KLHL18: variants seen among roughly 807,000 people sequenced by gnomAD.
KLHL18 encodes kelch-like protein 18.
Under a neutral mutation model 58.5 loss-of-function variants are expected in KLHL18, and 38 were observed. The ratio of observed to expected loss-of-function variants is 0.65; its 90% CI spans 0.50 to 0.85. The LOEUF (loss-of-function observed/expected upper bound fraction) is 0.85. Among genes scored for constraint, KLHL18 ranks in the 40% least tolerant of loss-of-function variants. The pLI, the probability that KLHL18 is intolerant of heterozygous loss-of-function variation, is 0.00. For synonymous variants in KLHL18, 303 were observed against 301.9 expected (o/e 1.00, Z -0.04); for missense variants, 624 against 778.4 (o/e 0.80, Z 2.36).
intron 3 of KLHL18, among the ~76,000 whole-genome samples, chr3:47,325,761 T>A (rs1447594786): frequency 6.6e-6 from 1 of 151,508 alleles, no homozygotes; most frequent in African/African-American, 2.4e-5. Flanking sequence ...ACTGGAGCTG[T>A]GTATTTTCTT....
At chr3:47,288,423 T>C (rs961844646) in intron 1 of KLHL18, among the ~76,000 whole-genome samples, 3 of 152,082 alleles carry the variant, frequency 2.0e-5, no homozygotes, top group Non-Finnish European at 4.4e-5. Flanking sequence ...GCATCTTCTG[T>C]CACTGACGGT....
At chr3:47,335,534 T>C (rs1703964695) in intron 6 of KLHL18, among the ~76,000 whole-genome samples, 1 of 152,002 alleles carries the variant, frequency 6.6e-6, no homozygotes, top group Non-Finnish European at 1.5e-5. Context: ...TGAGATGGAG[T>C]GTCACTCTTG....
At chr3:47,299,290 G>A (rs1200552898) in intron 1 of KLHL18, among the ~76,000 whole-genome samples, 1 of 152,194 alleles carries the variant, frequency 6.6e-6, no homozygotes, top group Non-Finnish European at 1.5e-5. Flanking sequence ...TGAGTACAGT[G>A]GTATGTGCCT....
chr3:47,336,896 A>AGT (rs1704000339), intron 7 of KLHL18, 139 bp downstream of exon 7: 1 of 682,274 alleles, frequency 1.5e-6, no homozygotes, highest in Non-Finnish European at 2.6e-6. Context: ...AGCCACTGCC[A>AGT]GTACCTCCTG....
At chr3:47,312,607 CTAGA>C (rs1703327897) in intron 1 of KLHL18, among the ~76,000 whole-genome samples, 1 of 152,074 alleles carries the variant, frequency 6.6e-6, no homozygotes, top group African/African-American at 2.4e-5. Flanking sequence ...CTGTGTAATT[CTAGA>C]TATTAATTAT....
intron 4 of KLHL18, 78 bp from the exon 5 acceptor site, chr3:47,333,079 G>C: frequency 6.9e-7 from 1 of 1,457,448 alleles, no homozygotes; most frequent in Admixed American, 1.9e-5. Context: ...ATAGGAAGTG[G>C]AGGCATTGAG....
At position 47,339,325 on chromosome 3, in the gene KLHL18, G is replaced by A. The variant is rs143838927; in HGVS notation, c.1122-1247G>A. Among the ~76,000 whole-genome samples, 1,169 of 150,832 alleles carry A rather than the reference G, an allele frequency of 7.8e-3. 17 individuals are homozygous for A. Among genetic ancestry groups the A allele is most frequent in the African/African-American group, 0.027 (1,111 of 41,070 alleles). ...GCCTGGGCAACATAGTGAGACCCCC[G>A]TCTATACAAAAAAAAAATTAGCCAG... On this transcript the variant is annotated intron_variant, in intron 7 of 9. Coordinates refer to ENST00000232766, the MANE Select transcript of KLHL18 (RefSeq NM_025010.5).
At chr3:47,285,882 T>C (rs570519191) in intron 1 of KLHL18, among the ~76,000 whole-genome samples, 1 of 152,226 alleles carries the variant, frequency 6.6e-6, no homozygotes, top group South Asian at 2.1e-4. Flanking sequence ...ACCCCATCTC[T>C]ACAAAAAATT....
intron 7 of KLHL18, among the ~76,000 whole-genome samples, chr3:47,339,146 T>A (rs1041403558): frequency 8.5e-5 from 13 of 152,170 alleles, no homozygotes; most frequent in African/African-American, 3.1e-4. Flanking sequence ...TGGCTGCCTG[T>A]CTGTACAGTG....
At chr3:47,321,043 A>G (rs1703573057) in intron 2 of KLHL18, among the ~76,000 whole-genome samples, 1 of 152,226 alleles carries the variant, frequency 6.6e-6, no homozygotes, top group South Asian at 2.1e-4. Flanking sequence ...CGTCCCATGA[A>G]TAGTCCAGGG....
Position 47,297,161 on chromosome 3 carries a change from A to G in KLHL18, c.129+14067A>G, listed in dbSNP as rs74748934. On this transcript the variant is annotated intron_variant, in intron 1 of 9. Transcript: ENST00000232766. ...GTGTCACTACCCAGTGGGGCACTCT[A>G]AAGCAGAGAGACCAAAACTCCATCA... 9.0e-3 allele frequency among the ~76,000 whole-genome samples: 1,372 copies of G among 152,312 alleles called. 10 individuals carry two copies. The highest frequency in any genetic ancestry group is 0.014 in the Non-Finnish European group (960 of 68,020).
intron 2 of KLHL18, among the ~76,000 whole-genome samples, chr3:47,320,535 G>A (rs1703561105): frequency 6.6e-6 from 1 of 152,078 alleles, no homozygotes; most frequent in Non-Finnish European, 1.5e-5. Context: ...CAACTAGGGG[G>A]AAAAGAGCTA....
At chr3:47,320,938 G>A (rs909272794) in intron 2 of KLHL18, among the ~76,000 whole-genome samples, 4 of 152,182 alleles carry the variant, frequency 2.6e-5, no homozygotes, top group African/African-American at 9.6e-5. Context: ...AGAAATCTTA[G>A]GCCAGTTACT....
chr3:47,344,575 G>C lies in KLHL18; in HGVS notation c.*634G>C, dbSNP rs574067219. On this transcript the variant is annotated 3_prime_UTR_variant, in exon 10 of 10. Coordinates refer to ENST00000232766, the MANE Select transcript of KLHL18 (RefSeq NM_025010.5). ...GGATTTCAGTGAGGCCTTTTGATCT[G>C]TCCAGGAGAACAGAAGGGAAAAAAA... The C allele has an allele frequency of 2.3e-4, 33 of 143,172 alleles. No individual in the cohort carries two copies. Among genetic ancestry groups the C allele is most frequent in the African/African-American group, 8.6e-4 (33 of 38,386 alleles). 8.9% of individuals were successfully genotyped at this position (143,172 alleles called of 1,614,324 possible).
chr3:47,330,225 T>C, intron 4 of KLHL18, 76 bp downstream of exon 4: 8 of 1,370,686 alleles, frequency 5.8e-6, no homozygotes, highest in Non-Finnish European at 7.2e-6. Flanking sequence ...GTTTATGTAT[T>C]TTTTTACAAA....
intron 3 of KLHL18, among the ~76,000 whole-genome samples, chr3:47,328,032 G>A (rs994566500): frequency 1.3e-5 from 2 of 151,960 alleles, no homozygotes; most frequent in African/African-American, 2.4e-5. Context: ...TTTTAGAATC[G>A]CACTGGGCTC....
At position 47,336,865 on chromosome 3, in the gene KLHL18, G is replaced by T. The variant is rs555931526; in HGVS notation, c.1121+108G>T. The T allele has an allele frequency of 2.1e-5, 19 of 890,604 alleles. No individual in the cohort carries two copies. The East Asian group carries it at 5.0e-4, about 24-fold the overall frequency. The allele number at this position is 890,604 out of a possible 1,614,324, so 55.2% of individuals were successfully genotyped here. A position where few individuals can be genotyped will look rare whatever the true frequency, so the allele number is the denominator to read the frequency against. On this transcript the variant is annotated intron_variant, in intron 7 of 9. Coordinates refer to ENST00000232766, the MANE Select transcript of KLHL18 (RefSeq NM_025010.5). ...AGAGTAAAATACAAGCTTTGGCCTG[G>T]GAGTTTCCTGCAGCCAGGCCAGCCA...
intron 9 of KLHL18, 150 bp downstream of exon 9, chr3:47,342,980 A>G: frequency 1.6e-6 from 1 of 639,230 alleles, no homozygotes; most frequent in Admixed American, 2.8e-5. Context: ...CACCTTCTGA[A>G]ATTCTGAACT....
chr3:47,296,172 A>G (rs1483435647), intron 1 of KLHL18, among the ~76,000 whole-genome samples: 1 of 152,202 alleles, frequency 6.6e-6, no homozygotes, highest in African/African-American at 2.4e-5. Context: ...TTAAAGTTTG[A>G]GAAGCATTGC....
Sources: allele counts gnomAD v4.1 joint callset (sites outside exome capture counted in the v4.1 genomes callset), GRCh38; gene constraint gnomAD v4.1.1; transcripts MANE v1.5; gene names NCBI Gene and HGNC (gene_info 2026-07-23, HGNC 2026-07-21).